Variants in CSMD1 observed in about 807,000 individuals in gnomAD.
The protein encoded by CSMD1 is CUB and Sushi multiple domains 1.
A neutral mutation model predicts 417.5 loss-of-function variants in CSMD1; 213 were observed. That is an observed-to-expected ratio of 0.51 (90% CI 0.46 to 0.57). The LOEUF is 0.57. CSMD1 is among the 20% of genes least tolerant of loss of function. CSMD1 has a pLI of 0.00. For missense variants in CSMD1, 6,923 were observed against 4,529.7 expected, an observed-to-expected ratio of 1.53 and a Z score of -15.17; for synonymous variants, 2,862 against 1,736.8, an observed-to-expected ratio of 1.65 and a Z score of -16.11.
chr8:4,850,310 G>A lies in CSMD1; in HGVS notation c.85+144022C>T, dbSNP rs140013829. ...CCCCAAACATTTTCTCCCATTCTAC[G>A]GCTTGTGTTTTTACTGTCTTAATGG... On this transcript the variant is annotated intron_variant, in intron 1 of 69. Coordinates refer to ENST00000635120, the MANE Select transcript of CSMD1 (RefSeq NM_033225.6). Among the ~76,000 whole-genome samples, 150 of 150,582 alleles carry A rather than the reference G, an allele frequency of 1.0e-3. 1 individual carries two copies. The East Asian group carries it at 0.011, about 11-fold the overall frequency.
intron 49 of CSMD1, among the ~76,000 whole-genome samples, chr8:3,070,367 C>T (rs564124702): frequency 3.3e-5 from 5 of 152,230 alleles, no homozygotes; most frequent in Non-Finnish European, 7.3e-5. Context: ...TTATGCATTG[C>T]TTCCTGCTTA....
chr8:3,310,698 G>C (rs1289742833), intron 23 of CSMD1, among the ~76,000 whole-genome samples: 1 of 152,080 alleles, frequency 6.6e-6, no homozygotes, highest in African/African-American at 2.4e-5. Context: ...ATCTTTTTGA[G>C]GGGTGAGGGC....
chr8:4,823,264 T>C (rs1404314524), intron 1 of CSMD1, among the ~76,000 whole-genome samples: 4 of 152,058 alleles, frequency 2.6e-5, no homozygotes, highest in East Asian at 1.9e-4. Flanking sequence ...TTTTCCAATG[T>C]TGAAACTCTT....
chr8:3,415,424 C>A (rs1813067615), intron 12 of CSMD1, among the ~76,000 whole-genome samples: 1 of 152,240 alleles, frequency 6.6e-6, no homozygotes, highest in Non-Finnish European at 1.5e-5. Context: ...GTGGCACGAT[C>A]TCAGCTCACT....
At chr8:4,189,327 C>T (rs1412774816) in intron 3 of CSMD1, among the ~76,000 whole-genome samples, 1 of 152,048 alleles carries the variant, frequency 6.6e-6, no homozygotes, top group Admixed American at 6.6e-5. Context: ...AAGCCTGGTG[C>T]CAACTGTGTT....
chr8:4,345,032 A>G (rs1306185488), intron 3 of CSMD1, among the ~76,000 whole-genome samples: 2 of 152,084 alleles, frequency 1.3e-5, no homozygotes, highest in Admixed American at 6.6e-5. Flanking sequence ...TCACACCATA[A>G]CATCAAGCTC....
At chr8:4,195,520 C>T (rs959548107) in intron 3 of CSMD1, among the ~76,000 whole-genome samples, 1 of 152,164 alleles carries the variant, frequency 6.6e-6, no homozygotes, top group African/African-American at 2.4e-5. Context: ...TGATCCCCTG[C>T]TCTTGACTGT....
chr8:4,073,182 A>G (rs1799647786), intron 3 of CSMD1, among the ~76,000 whole-genome samples: 1 of 152,174 alleles, frequency 6.6e-6, no homozygotes, highest in African/African-American at 2.4e-5. Flanking sequence ...GAGATGAAGC[A>G]CTTCAAAGAA....
At chr8:3,118,838 T>C (rs925670359) in intron 41 of CSMD1, among the ~76,000 whole-genome samples, 5 of 152,146 alleles carry the variant, frequency 3.3e-5, no homozygotes, top group Non-Finnish European at 7.3e-5. Context: ...CAAAAGTAAA[T>C]TTTATAATGC....
At chr8:4,977,058 G>T (rs1053591695) in intron 1 of CSMD1, among the ~76,000 whole-genome samples, 1 of 152,088 alleles carries the variant, frequency 6.6e-6, no homozygotes, top group Admixed American at 6.5e-5. Context: ...TTTTTATACA[G>T]CTTTTAGTAT....
chr8:3,805,562 C>A (rs183673539), intron 5 of CSMD1, among the ~76,000 whole-genome samples: 2 of 152,100 alleles, frequency 1.3e-5, no homozygotes, highest in Non-Finnish European at 2.9e-5. Flanking sequence ...TGTTTGTTTG[C>A]AAGAAACAGG....
intron 3 of CSMD1, among the ~76,000 whole-genome samples, chr8:4,152,058 T>C (rs919567330): frequency 6.6e-6 from 1 of 152,176 alleles, no homozygotes; most frequent in African/African-American, 2.4e-5. Flanking sequence ...GCTTTAATTT[T>C]TTTCCCTTTA....
At chr8:3,269,751 G>A (rs932044766) in intron 26 of CSMD1, among the ~76,000 whole-genome samples, 2 of 152,152 alleles carry the variant, frequency 1.3e-5, no homozygotes, top group African/African-American at 4.8e-5. Flanking sequence ...TGGTAATTAA[G>A]CTTTAATGAA....
intron 7 of CSMD1, among the ~76,000 whole-genome samples, chr8:3,706,760 A>G (rs17067083): frequency 0.081 from 12,097 of 149,736 alleles, 610 homozygotes; most frequent in African/African-American, 0.12. Context: ...TTTATCATAA[A>G]AATCATTTTC....
chr8:3,453,485 G>C (rs1414557250), intron 12 of CSMD1, among the ~76,000 whole-genome samples: 1 of 152,134 alleles, frequency 6.6e-6, no homozygotes, highest in Non-Finnish European at 1.5e-5. Context: ...TGCTTTGAAT[G>C]TGTCCCAGAG....
At chr8:3,553,687 T>C (rs891441881) in intron 10 of CSMD1, among the ~76,000 whole-genome samples, 8 of 152,236 alleles carry the variant, frequency 5.3e-5, no homozygotes, top group Non-Finnish European at 7.3e-5. Context: ...AAACCAATTT[T>C]AGTAGGTCCA....
chr8:4,944,362 A>G (rs1208263298), intron 1 of CSMD1, among the ~76,000 whole-genome samples: 2 of 152,220 alleles, frequency 1.3e-5, no homozygotes, highest in Non-Finnish European at 2.9e-5. Flanking sequence ...TTTAAATTAT[A>G]AGGGCCAGCA....
At chr8:3,214,362 T>G (rs1797776598) in intron 30 of CSMD1, 135 bp downstream of exon 30, 1 of 716,926 alleles carries the variant, frequency 1.4e-6, no homozygotes, top group South Asian at 2.2e-5. Flanking sequence ...TGATATTCGT[T>G]CCACACTAGC....
chr8:4,075,018 C>T (rs1799748975), intron 3 of CSMD1, among the ~76,000 whole-genome samples: 1 of 152,120 alleles, frequency 6.6e-6, no homozygotes, highest in Non-Finnish European at 1.5e-5. Context: ...CCTGTCTTTA[C>T]TCACTGTAAT....
Sources: gnomAD v4.1 joint callset for allele counts (sites outside exome capture counted in the v4.1 genomes callset) on GRCh38, gnomAD v4.1.1 for gene constraint, MANE v1.5 for transcripts, NCBI Gene and HGNC (gene_info 2026-07-23, HGNC 2026-07-21) for gene names.